The following LRMDA variants were observed in gnomAD, a reference collection of about 807,000 sequenced individuals.
LRMDA encodes the protein leucine-rich melanocyte differentiation-associated protein.
LRMDA carries 18 observed loss-of-function variants against 29.8 expected under a neutral mutation model. The ratio of observed to expected loss-of-function variants is 0.60; its 90% CI spans 0.42 to 0.90. LRMDA has a LOEUF of 0.90. LRMDA is among the 40% of genes least tolerant of loss of function. The pLI is 0.00. For missense variants in LRMDA, 273 were observed against 273.9 expected, an observed-to-expected ratio of 1.00 and a Z score of 0.02; for synonymous variants, 125 against 109.4, an observed-to-expected ratio of 1.14 and a Z score of -0.89.
At chr10:75,499,690 G>A (rs1244206538) in intron 2 of LRMDA, among the ~76,000 whole-genome samples, 4 of 152,172 alleles carry the variant, frequency 2.6e-5, no homozygotes, top group Non-Finnish European at 5.9e-5. Flanking sequence ...CAGTGCCTTC[G>A]GTGTGTAGAC....
intron 6 of LRMDA, among the ~76,000 whole-genome samples, chr10:76,527,013 T>A (rs373418011): frequency 1.4e-5 from 1 of 69,656 alleles, no homozygotes; most frequent in Admixed American, 1.7e-4. Flanking sequence ...AATAAATAAA[T>A]AAATAAATAA....
Position 76,426,745 on chromosome 10 carries a change from T to G in LRMDA, c.601+102260T>G, listed in dbSNP as rs1026465946. Among the ~76,000 whole-genome samples, 78 of 152,324 alleles carry G rather than the reference T, an allele frequency of 5.1e-4. 1 individual carries two copies. The highest frequency in any genetic ancestry group is 1.8e-3 in the African/African-American group (73 of 41,576). ...GTTTTTATGGTTTTAGGTCTAACAT[T>G]TAAGTCTTTAATCCATCTTGAATTA... On this transcript the variant is annotated intron_variant, in intron 6 of 6. Coordinates refer to ENST00000611255, the MANE Select transcript of LRMDA (RefSeq NM_001305581.2).
chr10:76,258,731 T>G (rs1382247543), intron 5 of LRMDA, among the ~76,000 whole-genome samples: 2 of 152,206 alleles, frequency 1.3e-5, no homozygotes, highest in African/African-American at 4.8e-5. Flanking sequence ...GTTCTGTTCC[T>G]GACTTATTTC....
At chr10:76,035,828 TCTCCCCCGC>T (rs1260377582) in intron 2 of LRMDA, among the ~76,000 whole-genome samples, 171 bp from the exon 3 acceptor site, 2 of 152,046 alleles carry the variant, frequency 1.3e-5, no homozygotes, top group Non-Finnish European at 2.9e-5. Context: ...AGCGGCCCCT[TCTCCCCCGC>T]CGCCCCCGCC....
At position 76,254,319 on chromosome 10, in the gene LRMDA, C is replaced by CCATACCATGG. The variant is rs1852543105; in HGVS notation, c.517-70074_517-70073insGGCATACCAT. Among the ~76,000 whole-genome samples the CCATACCATGG allele has an allele frequency of 1.9e-4, 29 of 149,266 alleles. 1 individual carries two copies. In the South Asian group the frequency reaches 6.0e-3, roughly 31 times the overall value. On this transcript the variant is annotated intron_variant, in intron 5 of 6. Transcript: ENST00000611255. ...CTATACTATACCATACCATACCATA[C>CCATACCATGG]CATACCATACCATACCATACCATCC...
chr10:75,507,887 C>T (rs1248962521), intron 2 of LRMDA, among the ~76,000 whole-genome samples: 2 of 152,116 alleles, frequency 1.3e-5, no homozygotes, highest in Non-Finnish European at 2.9e-5. Flanking sequence ...CCTTTTCTTC[C>T]TGAGGCATCT....
At chr10:76,365,085 CATATATATATATATATATATAT>C (rs554375602) in intron 6 of LRMDA, among the ~76,000 whole-genome samples, 1 of 69,758 alleles carries the variant, frequency 1.4e-5, no homozygotes, top group African/African-American at 4.4e-5. Flanking sequence ...CACACACACA[CATATATATATATATATATATAT>C]ACACACACAC....
At chr10:75,699,982 GGAA>G (rs1054202138) in intron 2 of LRMDA, among the ~76,000 whole-genome samples, 1 of 152,140 alleles carries the variant, frequency 6.6e-6, no homozygotes, top group Non-Finnish European at 1.5e-5. Flanking sequence ...ACTAGATGCT[GGAA>G]GAAGAAGGAA....
At chr10:75,470,966 T>G (rs995489370) in intron 2 of LRMDA, among the ~76,000 whole-genome samples, 1 of 152,166 alleles carries the variant, frequency 6.6e-6, no homozygotes, top group East Asian at 1.9e-4. Flanking sequence ...GCCCAGCACA[T>G]GTGCTTGGTG....
At chr10:75,943,164 CAAAAA>C (rs59276408) in intron 2 of LRMDA, among the ~76,000 whole-genome samples, 1 of 95,356 alleles carries the variant, frequency 1.0e-5, no homozygotes, top group Non-Finnish European at 2.3e-5. Flanking sequence ...ATGTTTTCAG[CAAAAA>C]AAAAAAAAAA....
chr10:75,620,381 G>A (rs1002255987), intron 2 of LRMDA, among the ~76,000 whole-genome samples: 9 of 152,224 alleles, frequency 5.9e-5, no homozygotes. Flanking sequence ...TAACCTAGGT[G>A]TATGTAGATA....
intron 2 of LRMDA, among the ~76,000 whole-genome samples, chr10:75,696,741 T>C (rs1344992015): frequency 6.6e-6 from 1 of 152,208 alleles, no homozygotes; most frequent in Admixed American, 6.5e-5. Context: ...ATGATGGAGA[T>C]GCAATCTGGT....
chr10:76,305,538 G>A (rs1170916800), intron 5 of LRMDA, among the ~76,000 whole-genome samples: 3 of 152,134 alleles, frequency 2.0e-5, no homozygotes, highest in Non-Finnish European at 4.4e-5. Flanking sequence ...AGTCCCTCTA[G>A]ACCACAATGT....
chr10:75,853,269 C>T lies in LRMDA; in HGVS notation c.132-182739C>T, dbSNP rs116060039. Among the ~76,000 whole-genome samples the T allele has an allele frequency of 6.9e-3, 1,047 of 152,300 alleles. 20 individuals are homozygous for T. Among genetic ancestry groups the T allele is most frequent in the African/African-American group, 0.024 (1,000 of 41,558 alleles). On this transcript the variant is annotated intron_variant, in intron 2 of 6. Coordinates refer to ENST00000611255, the MANE Select transcript of LRMDA (RefSeq NM_001305581.2). ...TTTCTAAACTTCCTATCATCTGCTG[C>T]AGGCCTGCCCAATTCCCCTAGTGGC... is the stretch of plus-strand genomic sequence containing the variant.
At chr10:76,311,256 C>T (rs1840625712) in intron 5 of LRMDA, among the ~76,000 whole-genome samples, 1 of 152,120 alleles carries the variant, frequency 6.6e-6, no homozygotes, top group Non-Finnish European at 1.5e-5. Context: ...TGCTAATGCT[C>T]TGTACTTTAA....
intron 5 of LRMDA, among the ~76,000 whole-genome samples, chr10:76,205,965 T>C (rs1250434506): frequency 6.6e-6 from 1 of 152,154 alleles, no homozygotes; most frequent in Non-Finnish European, 1.5e-5. Flanking sequence ...CATCCACCTT[T>C]TAACAAAACC....
At chr10:75,734,455 C>G (rs1218825188) in intron 2 of LRMDA, among the ~76,000 whole-genome samples, 1 of 152,130 alleles carries the variant, frequency 6.6e-6, no homozygotes, top group African/African-American at 2.4e-5. Flanking sequence ...ATATCACTTC[C>G]TCTCTAGGTC....
chr10:76,321,131 A>T (rs2132393955), intron 5 of LRMDA, among the ~76,000 whole-genome samples: 1 of 152,328 alleles, frequency 6.6e-6, no homozygotes, highest in Non-Finnish European at 1.5e-5. Context: ...TCTGTTATAA[A>T]TAATGCTGCA....
intron 5 of LRMDA, among the ~76,000 whole-genome samples, chr10:76,076,841 A>C (rs1031611099): frequency 6.6e-6 from 1 of 152,134 alleles, no homozygotes; most frequent in Non-Finnish European, 1.5e-5. Context: ...ACAAACAAAT[A>C]TGTTGCATTT....
Sources: gnomAD v4.1 joint callset for allele counts (sites outside exome capture counted in the v4.1 genomes callset) on GRCh38, gnomAD v4.1.1 for gene constraint, MANE v1.5 for transcripts, NCBI Gene and HGNC (gene_info 2026-07-23, HGNC 2026-07-21) for gene names.